PARD3B: variants seen among roughly 807,000 people sequenced by gnomAD.
PARD3B encodes the protein partitioning defective 3 homolog B.
A neutral mutation model predicts 130.2 loss-of-function variants in PARD3B; 103 were observed. The observed-to-expected ratio is 0.79, with a 90% CI of 0.67 to 0.93. The LOEUF (loss-of-function observed/expected upper bound fraction) is 0.93, where lower values mean the gene tolerates loss of function less well. PARD3B is among the 40% of genes least tolerant of loss of function. The pLI is 0.00. For missense variants in PARD3B, 1,609 were observed against 1,499.2 expected (o/e 1.07, Z -1.21); for synonymous variants, 583 against 553.2 (o/e 1.05, Z -0.76).
chr2:204,825,985 G>A lies in PARD3B; in HGVS notation c.223-139167G>A, dbSNP rs941939874. Reference sequence around the variant, plus strand: ...TGATCCTAAAGGCTCAACCTCCTTCGTAGACTCACTCCCACTGCACGGGAG... The same window carrying A: ...TGATCCTAAAGGCTCAACCTCCTTCATAGACTCACTCCCACTGCACGGGAG... On this transcript the variant is annotated intron_variant, in intron 2 of 22. Transcript: ENST00000406610. 2.0e-5 allele frequency among the ~76,000 whole-genome samples: 3 copies of A among 152,038 alleles called. No homozygotes were observed. The East Asian group carries it at 5.8e-4, about 29-fold the overall frequency.
intron 1 of PARD3B, among the ~76,000 whole-genome samples, chr2:204,565,722 A>G (rs188215656): frequency 2.0e-5 from 3 of 152,290 alleles, no homozygotes; most frequent in African/African-American, 4.8e-5. Context: ...ATACCTATCA[A>G]AATCTCAAGA....
intron 21 of PARD3B, among the ~76,000 whole-genome samples, chr2:205,531,332 T>C (rs930360843): frequency 6.6e-6 from 1 of 152,142 alleles, no homozygotes; most frequent in African/African-American, 2.4e-5. Flanking sequence ...AATGATCTTA[T>C]TGAGCTGGAC....
At chr2:205,528,384 G>GTAAC (rs1284648029) in intron 21 of PARD3B, among the ~76,000 whole-genome samples, 2 of 152,120 alleles carry the variant, frequency 1.3e-5, no homozygotes, top group African/African-American at 4.8e-5. Context: ...GCCCAGATGG[G>GTAAC]TAACTGAGGC....
At chr2:204,635,925 C>G (rs931186403) in intron 1 of PARD3B, among the ~76,000 whole-genome samples, 1 of 152,052 alleles carries the variant, frequency 6.6e-6, no homozygotes, top group African/African-American at 2.4e-5. Flanking sequence ...GATTTGTTTA[C>G]TCTTGTAAGG....
At chr2:204,601,506 A>G (rs2033512134) in intron 1 of PARD3B, among the ~76,000 whole-genome samples, 5 of 152,146 alleles carry the variant, frequency 3.3e-5, no homozygotes, top group Admixed American at 3.3e-4. Context: ...ATGGTATGTG[A>G]TATGAATTTT....
intron 3 of PARD3B, among the ~76,000 whole-genome samples, chr2:204,995,174 C>T (rs1409234474): frequency 1.3e-5 from 2 of 152,142 alleles, no homozygotes; most frequent in Admixed American, 6.5e-5. Flanking sequence ...TCTTCCTAGT[C>T]TCAATGGTCT....
chr2:204,565,231 C>G (rs976678656), intron 1 of PARD3B, among the ~76,000 whole-genome samples: 2 of 152,190 alleles, frequency 1.3e-5, no homozygotes, highest in African/African-American at 4.8e-5. Flanking sequence ...CTTACTTTAT[C>G]CAGCCAGCAA....
At chr2:204,620,049 T>G (rs11675511) in intron 1 of PARD3B, among the ~76,000 whole-genome samples, 93,064 of 152,016 alleles carry the variant, frequency 0.61, 31,734 homozygotes, top group Non-Finnish European at 0.75. Context: ...TCACCCAGGC[T>G]GGAGTGCAAT....
rs113127108 is a variant in PARD3B at position 205,423,823 on chromosome 2, C to G, written c.2742-16547C>G. ...TGGAAATGGAGGCCATTATCCTTAG[C>G]AAACTAACACCAGAACAGAAAACCA... On this transcript the variant is annotated intron_variant, in intron 19 of 22. Coordinates refer to ENST00000406610, the MANE Select transcript of PARD3B (RefSeq NM_001302769.2). Among the ~76,000 whole-genome samples the G allele has an allele frequency of 7.1e-3, 1,076 of 152,262 alleles. 15 individuals are homozygous for G. Among genetic ancestry groups the G allele is most frequent in the African/African-American group, 0.025 (1,028 of 41,536 alleles).
chr2:205,329,255 T>TACA lies in PARD3B; in HGVS notation c.2630+27556_2630+27558dup, dbSNP rs575473105. Among the ~76,000 whole-genome samples the TACA allele has an allele frequency of 1.6e-3, 242 of 152,298 alleles. 1 individual carries two copies. The highest frequency in any genetic ancestry group is 0.014 in the South Asian group (66 of 4,824). On this transcript the variant is annotated intron_variant, in intron 18 of 22. Transcript: ENST00000406610. ...CTTATGTCTTACAGAGAGCAAAGACTACAATTTAAAATTATTTTACTTTCT... is the reference window on the plus strand; with the variant it reads ...CTTATGTCTTACAGAGAGCAAAGACTACAACAATTTAAAATTATTTTACTTTCT...
At chr2:204,924,329 T>G (rs189312287) in intron 2 of PARD3B, among the ~76,000 whole-genome samples, 61 of 152,216 alleles carry the variant, frequency 4.0e-4, no homozygotes, top group African/African-American at 1.3e-3. Context: ...CCCATTCATT[T>G]GGTAATGGGA....
At chr2:205,469,329 G>A (rs1327434465) in intron 20 of PARD3B, among the ~76,000 whole-genome samples, 1 of 152,060 alleles carries the variant, frequency 6.6e-6, no homozygotes, top group African/African-American at 2.4e-5. Flanking sequence ...TAGTCAGCAC[G>A]GCTTCCTTCT....
rs1438719225 is a variant in PARD3B, at chr2:205,386,879, CT to C, written c.2631-14133del. On this transcript the variant is annotated intron_variant, in intron 18 of 22. Coordinates refer to ENST00000406610, the MANE Select transcript of PARD3B (RefSeq NM_001302769.2). ...GATAAACATGATCTCACAGATCCCC[CT>C]ATCCCTAAGAAACTACCTCTTAATT... Among the ~76,000 whole-genome samples, 3 of 151,966 alleles carry C rather than the reference CT, an allele frequency of 2.0e-5. 1 individual carries two copies. The highest frequency in any genetic ancestry group is 4.4e-5 in the Non-Finnish European group (3 of 67,992).
chr2:204,895,970 A>G (rs1244568547), intron 2 of PARD3B, among the ~76,000 whole-genome samples: 1 of 152,246 alleles, frequency 6.6e-6, no homozygotes, highest in Non-Finnish European at 1.5e-5. Flanking sequence ...TTAGCTGTAT[A>G]GTAAATACTC....
rs112511306 is a variant in PARD3B, at chr2:205,030,845, C to T, written c.395-16736C>T. 1.0e-3 allele frequency among the ~76,000 whole-genome samples: 153 copies of T among 152,248 alleles called. 1 individual carries two copies. Among genetic ancestry groups the T allele is most frequent in the African/African-American group, 3.5e-3 (147 of 41,564 alleles). ...CCTTTGTAATGTGACCTTGCTGTTC[C>T]TCCTGTCCAGAGGGGGGTCTGTTTA... On this transcript the variant is annotated intron_variant, in intron 3 of 22. Transcript: ENST00000406610.
intron 1 of PARD3B, among the ~76,000 whole-genome samples, chr2:204,574,716 G>A (rs555619737): frequency 1.3e-5 from 2 of 152,282 alleles, no homozygotes; most frequent in Admixed American, 6.5e-5. Context: ...TTTCTGAACT[G>A]CTTATATGGT....
At chr2:204,984,942 G>T (rs976285563) in intron 3 of PARD3B, among the ~76,000 whole-genome samples, 2 of 151,136 alleles carry the variant, frequency 1.3e-5, no homozygotes, top group African/African-American at 4.9e-5. Flanking sequence ...TGACTTCAAG[G>T]TATCTTAATT....
intron 19 of PARD3B, among the ~76,000 whole-genome samples, chr2:205,419,142 A>G (rs1255271055): frequency 1.3e-5 from 2 of 152,062 alleles, no homozygotes; most frequent in African/African-American, 4.8e-5. Flanking sequence ...CACAATTCCC[A>G]TGGGTCATGG....
Position 205,229,009 on chromosome 2 carries a change from C to A in PARD3B, c.2141-16769C>A, listed in dbSNP as rs1343136303. ...TCTGATAGGAGTCTGAATGACTTCTCTTTGTTACCTTGAATTTCACTGAGT... is the reference window on the plus strand; with the variant it reads ...TCTGATAGGAGTCTGAATGACTTCTATTTGTTACCTTGAATTTCACTGAGT... On this transcript the variant is annotated intron_variant, in intron 15 of 22. Coordinates refer to ENST00000406610, the MANE Select transcript of PARD3B (RefSeq NM_001302769.2). This position sits in a 1 kb window ranked among gnomAD's most constrained non-coding sequence, Gnocchi z 5.2. 1.3e-5 allele frequency among the ~76,000 whole-genome samples: 2 copies of A among 152,188 alleles called. No homozygotes were observed. Among genetic ancestry groups the A allele is most frequent in the Admixed American group, 6.5e-5 (1 of 15,276 alleles).
Sources: allele counts gnomAD v4.1 joint callset (sites outside exome capture counted in the v4.1 genomes callset), GRCh38; gene constraint gnomAD v4.1.1; non-coding constraint Gnocchi (gnomAD v3.1); transcripts MANE v1.5; gene names NCBI Gene and HGNC (gene_info 2026-07-23, HGNC 2026-07-21).